SLCO1B1: variants seen among roughly 807,000 people sequenced by gnomAD.
SLCO1B1 encodes the protein OATP-2.
SLCO1B1 carries 81 observed loss-of-function variants against 70.1 expected under a neutral mutation model. The ratio of observed to expected loss-of-function variants is 1.16; its 90% CI spans 0.97 to 1.39. SLCO1B1 has a LOEUF of 1.39. SLCO1B1 is among the 40% of genes most tolerant of loss of function. The pLI is 0.00. For synonymous variants in SLCO1B1, 283 were observed against 271.5 expected, an observed-to-expected ratio of 1.04 and a Z score of -0.42; for missense variants, 895 against 799.6, an observed-to-expected ratio of 1.12 and a Z score of -1.44.
intron 2 of SLCO1B1, among the ~76,000 whole-genome samples, chr12:21,151,587 T>C (rs1940471459): frequency 6.6e-6 from 1 of 152,160 alleles, no homozygotes; most frequent in South Asian, 2.1e-4. Context: ...TATGCTCACT[T>C]ATTTCTCCTC....
intron 7 of SLCO1B1, among the ~76,000 whole-genome samples, chr12:21,195,216 T>C (rs1941076707): frequency 6.6e-6 from 1 of 152,182 alleles, no homozygotes; most frequent in South Asian, 2.1e-4. Flanking sequence ...TGTGGGCCTC[T>C]CAAATTTTGA....
intron 14 of SLCO1B1, among the ~76,000 whole-genome samples, chr12:21,225,803 T>C (rs1353472912): frequency 1.3e-5 from 2 of 152,082 alleles, no homozygotes; most frequent in Non-Finnish European, 2.9e-5. Flanking sequence ...GGTGGATATG[T>C]AAAAAATAGT....
At chr12:21,156,151 T>C (rs764552256) in intron 2 of SLCO1B1, among the ~76,000 whole-genome samples, 12 of 152,142 alleles carry the variant, frequency 7.9e-5, no homozygotes, top group Non-Finnish European at 1.5e-4. Context: ...AATTTGAAGA[T>C]AGGTTTGTGA....
intron 3 of SLCO1B1, 144 bp downstream of exon 3, chr12:21,172,935 G>A (rs1335371104): frequency 5.1e-5 from 39 of 757,734 alleles, no homozygotes; most frequent in Non-Finnish European, 2.2e-6. Context: ...TGTCATAACT[G>A]CACAGGGGTT....
chr12:21,216,996 C>T (rs1941365801), intron 11 of SLCO1B1, 123 bp from the exon 12 acceptor site: 1 of 750,830 alleles, frequency 1.3e-6, no homozygotes, highest in African/African-American at 1.8e-5. Flanking sequence ...TTTTTAGAAT[C>T]TTCTTAAACT....
intron 11 of SLCO1B1, among the ~76,000 whole-genome samples, chr12:21,207,155 T>C (rs1941224128): frequency 6.6e-6 from 1 of 152,008 alleles, no homozygotes; most frequent in African/African-American, 2.4e-5. Flanking sequence ...ACTCTTATTT[T>C]AGGTAAAGGG....
intron 2 of SLCO1B1, among the ~76,000 whole-genome samples, chr12:21,164,495 T>C (rs1940660948): frequency 6.6e-6 from 1 of 152,154 alleles, no homozygotes; most frequent in South Asian, 2.1e-4. Flanking sequence ...TTTTCTGAAG[T>C]CAGCTTTCTA....
intron 2 of SLCO1B1, among the ~76,000 whole-genome samples, chr12:21,143,552 TA>T (rs1157753648): frequency 6.6e-6 from 1 of 152,052 alleles, no homozygotes; most frequent in Admixed American, 6.6e-5. Context: ...ACCATAATTC[TA>T]TCAACTGGAT....
rs1256617810 is a variant in SLCO1B1 at position 21,136,544 on chromosome 12, T to A, written c.-61-4970T>A. Among the ~76,000 whole-genome samples, 3 of 152,202 alleles carry A rather than the reference T, an allele frequency of 2.0e-5. No homozygotes were observed. The East Asian group carries it at 5.8e-4, about 29-fold the overall frequency. On this transcript the variant is annotated intron_variant, in intron 1 of 14. Transcript: ENST00000256958. ...TTTGTTCGTTTCTTTTTATTCTTTT[T>A]TCTCTAAACTTCTCTTCTCACTTCA...
intron 13 of SLCO1B1, among the ~76,000 whole-genome samples, chr12:21,224,228 G>A (rs1288899202): frequency 6.6e-6 from 1 of 151,922 alleles, no homozygotes; most frequent in Non-Finnish European, 1.5e-5. Context: ...TACTTATCTG[G>A]GGAGGGAGTT....
In SLCO1B1 at chr12:21,178,963, T is replaced by C. The variant is rs950082311; in HGVS notation, c.670T>C (p.Phe224Leu). 2 of 1,612,292 alleles carry C rather than the reference T, an allele frequency of 1.2e-6. No homozygotes were observed. Among genetic ancestry groups the C allele is most frequent in the Non-Finnish European group, 1.7e-6 (2 of 1,178,802 alleles). The change falls in exon 7 of 15, where the codon TTT becomes CTT. Residue 224 changes from phenylalanine to leucine, a missense_variant. Physicochemically the swap from Phe to Leu is conservative, Grantham distance 22. Coordinates refer to ENST00000256958, the MANE Select transcript of SLCO1B1 (RefSeq NM_006446.5). ...AGCAATGATTGGTCCAATCATTGGC[T>C]TTACCCTGGGATCTCTGTTTTCTAA... Reference protein sequence around the residue: ...AIAMIGPIIGFTLGSLFSKMY... With the variant: ...AIAMIGPIIGLTLGSLFSKMY...
chr12:21,170,505 G>C (rs1183045070), intron 2 of SLCO1B1, among the ~76,000 whole-genome samples: 1 of 152,100 alleles, frequency 6.6e-6, no homozygotes, highest in Admixed American at 6.5e-5. Context: ...TTAATGATTA[G>C]GACCTGAACA....
intron 11 of SLCO1B1, 69 bp from the exon 12 acceptor site, chr12:21,217,050 T>C (rs1941366564): frequency 3.6e-6 from 4 of 1,122,506 alleles, no homozygotes; most frequent in Non-Finnish European, 5.4e-6. Context: ...CTAAATATAA[T>C]GCAATGTATT....
chr12:21,135,871 G>C (rs1447408455), intron 1 of SLCO1B1, among the ~76,000 whole-genome samples: 1 of 152,162 alleles, frequency 6.6e-6, no homozygotes, highest in Non-Finnish European at 1.5e-5. Context: ...ATTTGATCCT[G>C]TCATTGTGAT....
chr12:21,169,294 T>TA (rs921908442), intron 2 of SLCO1B1, among the ~76,000 whole-genome samples: 4 of 152,092 alleles, frequency 2.6e-5, no homozygotes, highest in Admixed American at 6.5e-5. Flanking sequence ...TCTTAAGATT[T>TA]AAAAAAATGG....
At position 21,229,333 on chromosome 12, in the gene SLCO1B1, A is replaced by G. The variant is rs557794238; in HGVS notation, c.1865+4494A>G. On this transcript the variant is annotated intron_variant, in intron 14 of 14. Coordinates refer to ENST00000256958, the MANE Select transcript of SLCO1B1 (RefSeq NM_006446.5). ...GACAAATGCATAATGACATATATCC[A>G]CCATTACAGTATTATACAAAGTAGT... is the stretch of plus-strand genomic sequence containing the variant. Among the ~76,000 whole-genome samples the G allele has an allele frequency of 1.6e-4, 24 of 152,222 alleles. No individual in the cohort carries two copies. The South Asian group carries it at 5.0e-3, about 32-fold the overall frequency.
chr12:21,165,757 T>C (rs1189794411), intron 2 of SLCO1B1, among the ~76,000 whole-genome samples: 2 of 152,106 alleles, frequency 1.3e-5, no homozygotes, highest in Non-Finnish European at 2.9e-5. Context: ...AAAGAGAAGT[T>C]AGCTGTTTGC....
chr12:21,200,165 T>G (rs1246865411), intron 8 of SLCO1B1, among the ~76,000 whole-genome samples: 3 of 152,148 alleles, frequency 2.0e-5, no homozygotes, highest in African/African-American at 7.2e-5. Context: ...TAACATTTGC[T>G]GAATGAATGA....
chr12:21,135,434 T>C lies in SLCO1B1; in HGVS notation c.-62+4198T>C, dbSNP rs556487086. Among the ~76,000 whole-genome samples, 204 of 152,226 alleles carry C rather than the reference T, an allele frequency of 1.3e-3. 1 individual carries two copies. The highest frequency in any genetic ancestry group is 4.7e-3 in the African/African-American group (195 of 41,520). ...GATCTGTCTAATGTTGACAGTGGGG[T>C]GTTAAAGTCTCCCATTATTATTGAG... On this transcript the variant is annotated intron_variant, in intron 1 of 14. Transcript: ENST00000256958.
Sources: gnomAD v4.1 joint callset for allele counts (sites outside exome capture counted in the v4.1 genomes callset) on GRCh38, gnomAD v4.1.1 for gene constraint, MANE v1.5 for transcripts, NCBI Gene and HGNC (gene_info 2026-07-23, HGNC 2026-07-21) for gene names.